Variants in SEL1L3 observed in about 807,000 individuals in gnomAD.
SEL1L3 encodes the protein SEL1L family member 3.
A neutral mutation model predicts 142.8 loss-of-function variants in SEL1L3; 76 were observed. The ratio of observed to expected loss-of-function variants is 0.53; its 90% CI spans 0.44 to 0.64. The LOEUF is 0.64. SEL1L3 is among the 30% of genes least tolerant of loss of function. SEL1L3 has a pLI of 0.00. For missense variants in SEL1L3, 1,262 were observed against 1,381.7 expected, an observed-to-expected ratio of 0.91 and a Z score of 1.37; for synonymous variants, 504 against 519.6, an observed-to-expected ratio of 0.97 and a Z score of 0.41.
chr4:25,833,576 G>C lies in SEL1L3; in HGVS notation c.861-7C>G. The C allele has an allele frequency of 6.3e-7, 1 of 1,597,664 alleles. No homozygotes were observed. The highest frequency in any genetic ancestry group is 8.5e-7 in the Non-Finnish European group (1 of 1,174,230). On this transcript the variant is annotated splice_region_variant and splice_polypyrimidine_tract_variant and intron_variant, in intron 3 of 23. Coordinates refer to ENST00000399878, the MANE Select transcript of SEL1L3 (RefSeq NM_015187.5). ...CCACAATGAAACAGTAAACCTATAA[G>C]AGTGAGGGGGAAAAAAATTCTGCAG...
intron 5 of SEL1L3, among the ~76,000 whole-genome samples, chr4:25,832,308 A>G (rs1340558273): frequency 6.6e-6 from 1 of 152,238 alleles, no homozygotes; most frequent in African/African-American, 2.4e-5. Context: ...GATCAATAAG[A>G]AAAGCTGATG....
At chr4:25,772,198 T>G (rs1009980881) in intron 17 of SEL1L3, among the ~76,000 whole-genome samples, 1 of 152,218 alleles carries the variant, frequency 6.6e-6, no homozygotes, top group Admixed American at 6.5e-5. Context: ...AGAGCAGGAA[T>G]GGATGGAAGT....
chr4:25,844,233 C>A (rs1326616078), intron 2 of SEL1L3, among the ~76,000 whole-genome samples: 1 of 152,208 alleles, frequency 6.6e-6, no homozygotes, highest in East Asian at 1.9e-4. Flanking sequence ...CCTTCTATCC[C>A]CACAGCCCAG....
chr4:25,853,657 T>C (rs1249163508), intron 1 of SEL1L3, among the ~76,000 whole-genome samples: 2 of 150,370 alleles, frequency 1.3e-5, no homozygotes, highest in African/African-American at 2.5e-5. Context: ...ATGCCTGCTC[T>C]TCTTACCTTT....
At chr4:25,727,565 A>G in the SEL1L3 span, among the ~76,000 whole-genome samples, 7 of 152,120 alleles carry the variant, frequency 4.6e-5, no homozygotes, top group African/African-American at 7.2e-5. Flanking sequence ...GGACCTTCAT[A>G]TATAACCAGT....
rs899551403 is a variant in SEL1L3, at chr4:25,843,135, G to A, written c.733+4159C>T. ...GCAGTGGGGAAGGGTGTGCGTGGTG[G>A]GACACAAGGCTGCAAGGGGACAGGG... On this transcript the variant is annotated intron_variant, in intron 2 of 23. Transcript: ENST00000399878. Among the ~76,000 whole-genome samples the A allele has an allele frequency of 6.6e-5, 10 of 152,120 alleles. No individual in the cohort carries two copies. In the East Asian group the frequency reaches 1.9e-3, roughly 29 times the overall value.
intron 12 of SEL1L3, among the ~76,000 whole-genome samples, chr4:25,789,272 A>T (rs1048480978): frequency 9.9e-5 from 15 of 152,030 alleles, no homozygotes; most frequent in Non-Finnish European, 2.1e-4. Flanking sequence ...CCCTATAGAG[A>T]GGAGGGAGAC....
intron 20 of SEL1L3, among the ~76,000 whole-genome samples, chr4:25,763,902 C>A (rs1227670716): frequency 6.6e-6 from 1 of 152,098 alleles, no homozygotes; most frequent in Non-Finnish European, 1.5e-5. Context: ...GGATAAGTTT[C>A]CAGTTTTTGC....
Position 25,754,868 on chromosome 4 carries a change from A to G in SEL1L3, c.3259+2666T>C, listed in dbSNP as rs376268858. Among the ~76,000 whole-genome samples, 11 of 152,124 alleles carry G rather than the reference A, an allele frequency of 7.2e-5. No homozygotes were observed. The South Asian group carries it at 1.7e-3, about 23-fold the overall frequency. On this transcript the variant is annotated intron_variant, in intron 23 of 23. Transcript: ENST00000399878. The stretch of plus-strand genomic sequence containing the variant: ...TAGTTTCTTTTTATTTCCCCTTTAT[A>G]TTGCTGTTAGGGCCCTATATTGATT...
intron 2 of SEL1L3, 131 bp from the exon 3 acceptor site, chr4:25,835,454 A>C: frequency 1.0e-6 from 1 of 962,928 alleles, no homozygotes; most frequent in Non-Finnish European, 1.5e-6. Context: ...AATATTAGCA[A>C]ACATCTGTTG....
Position 25,831,510 on chromosome 4 carries a change from A to AATTATTATT in SEL1L3, c.1099-1363_1099-1355dup, listed in dbSNP as rs71591516. Among the ~76,000 whole-genome samples, 4 of 122,600 alleles carry AATTATTATT rather than the reference A, an allele frequency of 3.3e-5. No individual in the cohort carries two copies. The East Asian group carries it at 7.3e-4, about 22-fold the overall frequency. 80.4% of individuals were successfully genotyped at this position (122,600 alleles called of 152,430 possible). ...ATTTTTAAATAATAATAATAATAAT[A>AATTATTATT]ATTATTATTATTATTATTATTATTA... On this transcript the variant is annotated intron_variant, in intron 5 of 23. Transcript: ENST00000399878.
chr4:25,783,489 A>G (rs1711565817), intron 14 of SEL1L3, among the ~76,000 whole-genome samples: 1 of 152,262 alleles, frequency 6.6e-6, no homozygotes, highest in Admixed American at 6.5e-5. Flanking sequence ...TCCAGCTGCC[A>G]AAAGGGCTAC....
chr4:25,738,079 G>T, the SEL1L3 span, among the ~76,000 whole-genome samples: 1 of 152,092 alleles, frequency 6.6e-6, no homozygotes, highest in Non-Finnish European at 1.5e-5. Flanking sequence ...AGTAGAGATG[G>T]AGTTTCACCA....
chr4:25,838,035 C>T (rs1173963609), intron 2 of SEL1L3, among the ~76,000 whole-genome samples: 2 of 152,172 alleles, frequency 1.3e-5, no homozygotes, highest in Non-Finnish European at 2.9e-5. Context: ...GAATCTAGAA[C>T]AGTGTGCAGT....
chr4:25,736,661 A>G, the SEL1L3 span, among the ~76,000 whole-genome samples: 5 of 152,136 alleles, frequency 3.3e-5, no homozygotes, highest in Non-Finnish European at 1.5e-5. Context: ...AATGTTAGTT[A>G]AGTTAAGGAT....
intron 17 of SEL1L3, among the ~76,000 whole-genome samples, chr4:25,768,646 G>A (rs964092364): frequency 5.3e-5 from 8 of 152,184 alleles, no homozygotes; most frequent in Admixed American, 2.0e-4. Flanking sequence ...TCATGGTAGA[G>A]CTGTGTATAT....
At chr4:25,846,333 G>A (rs1716509422) in intron 2 of SEL1L3, among the ~76,000 whole-genome samples, 1 of 152,220 alleles carries the variant, frequency 6.6e-6, no homozygotes, top group Non-Finnish European at 1.5e-5. Flanking sequence ...AATGCAGAGT[G>A]TGGACTCTAT....
chr4:25,790,744 G>GAAGA (rs1712275521), intron 11 of SEL1L3, among the ~76,000 whole-genome samples, 170 bp from the exon 12 acceptor site: 2 of 113,308 alleles, frequency 1.8e-5, no homozygotes, highest in African/African-American at 6.7e-5. Flanking sequence ...AGGAAGGAAG[G>GAAGA]AAGGAAGGAA....
chr4:25,733,506 T>A, the SEL1L3 span, among the ~76,000 whole-genome samples: 1 of 150,170 alleles, frequency 6.7e-6, no homozygotes, highest in Admixed American at 6.8e-5. Context: ...ATAGTATTTT[T>A]TTTTTATATT....
Sources: allele counts gnomAD v4.1 joint callset (sites outside exome capture counted in the v4.1 genomes callset), GRCh38; gene constraint gnomAD v4.1.1; transcripts MANE v1.5; gene names NCBI Gene and HGNC (gene_info 2026-07-23, HGNC 2026-07-21).